The following ESR1 variants were observed in gnomAD, a reference collection of about 807,000 sequenced individuals.
ESR1 encodes estrogen receptor 1, also known as estrogen receptor.
Under a neutral mutation model 52.7 loss-of-function variants are expected in ESR1, and 12 were observed. That is an observed-to-expected ratio of 0.23 (90% CI 0.15 to 0.37). The LOEUF (loss-of-function observed/expected upper bound fraction) is 0.37, where lower values mean the gene tolerates loss of function less well. Ranked by LOEUF, ESR1 falls within the 10% of genes least tolerant of loss-of-function variation. The pLI is 1.00. For synonymous variants in ESR1, 305 were observed against 316.8 expected (o/e 0.96, Z 0.39); for missense variants, 584 against 779.7 (o/e 0.75, Z 2.99).
At chr6:151,762,966 A>T (rs2128098905) in intron 2 of ESR1, among the ~76,000 whole-genome samples, 1 of 151,892 alleles carries the variant, frequency 6.6e-6, no homozygotes, top group East Asian at 1.9e-4. Flanking sequence ...ACAAAAATTA[A>T]TAGTTTAAAT....
intron 2 of ESR1, among the ~76,000 whole-genome samples, chr6:151,853,463 A>C (rs1169639834): frequency 6.6e-6 from 1 of 152,186 alleles, no homozygotes; most frequent in Non-Finnish European, 1.5e-5. Context: ...AACTCAGAAG[A>C]GTTAAATCAC....
intron 2 of ESR1, among the ~76,000 whole-genome samples, chr6:151,795,707 T>A (rs935850460): frequency 6.6e-6 from 1 of 152,090 alleles, no homozygotes; most frequent in Non-Finnish European, 1.5e-5. Flanking sequence ...TATTTACTCA[T>A]GTGCAAATTG....
At chr6:151,977,441 CAA>C (rs200819406) in intron 4 of ESR1, among the ~76,000 whole-genome samples, 52 of 130,450 alleles carry the variant, frequency 4.0e-4, no homozygotes, top group African/African-American at 6.4e-4. Flanking sequence ...CTGTGTAGTG[CAA>C]AAAAAAAAAA....
In ESR1 at chr6:151,880,488, G is replaced by C. The variant is rs534319226; in HGVS notation, c.644-167G>C. Among the ~76,000 whole-genome samples, 326 of 152,138 alleles carry C rather than the reference G, an allele frequency of 2.1e-3. 1 individual carries two copies. Among genetic ancestry groups the C allele is most frequent in the African/African-American group, 7.6e-3 (316 of 41,510 alleles). On this transcript the variant is annotated intron_variant, in intron 2 of 7. Transcript: ENST00000206249. ...GAGCCACCGTGCCCGGCCCATGAGA[G>C]GTTTTGTTTGCACTTCAAGAAGGAC... is the stretch of plus-strand genomic sequence containing the variant.
intron 3 of ESR1, among the ~76,000 whole-genome samples, chr6:151,914,247 C>T (rs1216761140): frequency 1.7e-5 from 2 of 116,394 alleles, no homozygotes; most frequent in South Asian, 4.9e-4. Context: ...CTTGTGTCTA[C>T]TTTTTCATTA....
rs371444017 is a variant in ESR1, at chr6:151,954,222, GA to G, written c.1096+9716del. Among the ~76,000 whole-genome samples the G allele has an allele frequency of 4.6e-3, 708 of 152,278 alleles. 8 individuals carry two copies. The highest frequency in any genetic ancestry group is 0.015 in the African/African-American group (618 of 41,542). ...TGTTCCATGCAGTTTGCTCAACTTT[GA>G]ATGGATACTTCTCTTAGGAACATTC... On this transcript the variant is annotated intron_variant, in intron 4 of 7. Coordinates refer to ENST00000206249, the MANE Select transcript of ESR1 (RefSeq NM_000125.4).
rs1442199237 is a variant in ESR1 at position 151,956,887 on chromosome 6, T to C, written c.1096+12379T>C. ...AAATATATATATATATATAAAATTT[T>C]TTTTTTTGAGATGGAGTCTCACTCT... On this transcript the variant is annotated intron_variant, in intron 4 of 7. Coordinates refer to ENST00000206249, the MANE Select transcript of ESR1 (RefSeq NM_000125.4). 1.4e-4 allele frequency among the ~76,000 whole-genome samples: 21 copies of C among 145,714 alleles called. 1 individual carries two copies. The East Asian group carries it at 4.0e-3, about 27-fold the overall frequency.
At chr6:152,019,169 A>T (rs2043411800) in intron 5 of ESR1, among the ~76,000 whole-genome samples, 1 of 152,230 alleles carries the variant, frequency 6.6e-6, no homozygotes, top group Non-Finnish European at 1.5e-5. Context: ...CTTCTTATTG[A>T]AGATAAATCA....
intron 5 of ESR1, among the ~76,000 whole-genome samples, chr6:152,017,430 A>G (rs1431222719): frequency 6.6e-6 from 1 of 152,184 alleles, no homozygotes; most frequent in Non-Finnish European, 1.5e-5. Flanking sequence ...AAAGGTTATT[A>G]TAAGGTATAA....
intron 2 of ESR1, among the ~76,000 whole-genome samples, chr6:151,863,832 T>C (rs1789338600): frequency 6.6e-6 from 1 of 152,118 alleles, no homozygotes; most frequent in South Asian, 2.1e-4. Flanking sequence ...ATTTAATAAA[T>C]AGTGCTGGGA....
At position 151,916,364 on chromosome 6, in the gene ESR1, G is replaced by A. The variant is rs182813522; in HGVS notation, c.761-27809G>A. On this transcript the variant is annotated intron_variant, in intron 3 of 7. Transcript: ENST00000206249. ...CAATTCAATACATGAAACATTCATC[G>A]ATTATTATTTAGAAAAGCTAATCTA... 1.1e-4 allele frequency among the ~76,000 whole-genome samples: 16 copies of A among 152,280 alleles called. No individual in the cohort carries two copies. The East Asian group carries it at 3.1e-3, about 29-fold the overall frequency.
chr6:151,906,947 A>T (rs1373138136), intron 3 of ESR1, among the ~76,000 whole-genome samples: 1 of 151,656 alleles, frequency 6.6e-6, no homozygotes, highest in Non-Finnish European at 1.5e-5. Context: ...TGAGGTAGGA[A>T]TATAACTTAA....
At chr6:152,000,620 GATGGAATA>G (rs2041872213) in intron 4 of ESR1, among the ~76,000 whole-genome samples, 4 of 151,938 alleles carry the variant, frequency 2.6e-5, no homozygotes, top group Admixed American at 1.3e-4. Flanking sequence ...GTCATCATGA[GATGGAATA>G]ACAACGGTCT....
intron 6 of ESR1, among the ~76,000 whole-genome samples, chr6:152,123,348 G>T (rs1420736576): frequency 6.6e-6 from 1 of 152,156 alleles, no homozygotes. Flanking sequence ...TAGATGCTAG[G>T]CTGATCCTAT....
intron 1 of ESR1, among the ~76,000 whole-genome samples, chr6:151,679,522 G>A (rs556087024): frequency 6.6e-6 from 1 of 152,094 alleles, no homozygotes; most frequent in South Asian, 2.1e-4. Context: ...GCTAATTTTT[G>A]TATTTTTAGT....
At chr6:152,041,140 G>T (rs2128895969) in intron 5 of ESR1, among the ~76,000 whole-genome samples, 1 of 152,308 alleles carries the variant, frequency 6.6e-6, no homozygotes, top group Non-Finnish European at 1.5e-5. Context: ...AGGAGATGCA[G>T]GGCCTTGCTC....
intron 1 of ESR1, among the ~76,000 whole-genome samples, chr6:151,833,852 T>C: frequency 6.6e-6 from 1 of 152,172 alleles, no homozygotes; most frequent in East Asian, 1.9e-4. Flanking sequence ...AGACAATAAG[T>C]AAACACATTA....
intron 4 of ESR1, among the ~76,000 whole-genome samples, chr6:151,971,491 AT>A (rs9340923): frequency 0.21 from 32,446 of 151,990 alleles, 4,032 homozygotes; most frequent in African/African-American, 0.34. Context: ...GTGGTCTCCA[AT>A]TCCATCCAGA....
chr6:151,701,841 A>T (rs1270236263), intron 1 of ESR1: 2 of 152,222 alleles, frequency 1.3e-5, no homozygotes, highest in African/African-American at 4.8e-5. Context: ...AATCACCCAC[A>T]TCTCCCTTTC....
Sources: allele counts gnomAD v4.1 joint callset (sites outside exome capture counted in the v4.1 genomes callset), GRCh38; gene constraint gnomAD v4.1.1; transcripts MANE v1.5; gene names NCBI Gene and HGNC (gene_info 2026-07-23, HGNC 2026-07-21).